Variants in SLC24A4 observed in about 807,000 individuals in gnomAD.
SLC24A4 encodes the protein sodium/potassium/calcium exchanger 4.
In SLC24A4, 53 loss-of-function variants were observed where a neutral mutation model predicts 79.0. The ratio of observed to expected loss-of-function variants is 0.67; its 90% CI spans 0.54 to 0.84. The LOEUF (loss-of-function observed/expected upper bound fraction) is 0.84, where lower values mean the gene tolerates loss of function less well. Ranked by LOEUF, SLC24A4 falls within the 40% of genes least tolerant of loss-of-function variation. SLC24A4 has a pLI of 0.00. For synonymous variants in SLC24A4, 323 were observed against 323.8 expected, an observed-to-expected ratio of 1.00 and a Z score of 0.03; for missense variants, 731 against 822.0, an observed-to-expected ratio of 0.89 and a Z score of 1.35.
intron 12 of SLC24A4, among the ~76,000 whole-genome samples, chr14:92,458,753 C>T (rs1159435770): frequency 6.6e-6 from 1 of 152,204 alleles, no homozygotes; most frequent in Admixed American, 6.5e-5. Flanking sequence ...TATCGCACCC[C>T]CAGCTCACTT....
At chr14:92,461,044 G>A (rs1254053811) in intron 12 of SLC24A4, among the ~76,000 whole-genome samples, 1 of 152,222 alleles carries the variant, frequency 6.6e-6, no homozygotes, top group Non-Finnish European at 1.5e-5. Context: ...ACCATGGTCT[G>A]CAGTGCTGGC....
At chr14:92,442,687 C>G (rs1892563909) in intron 5 of SLC24A4, 26 bp from the exon 6 acceptor site, 1 of 1,555,650 alleles carries the variant, frequency 6.4e-7, no homozygotes, top group Non-Finnish European at 8.9e-7. Flanking sequence ...TGGCTGAGGC[C>G]CAGGGTCTGT....
At chr14:92,396,079 C>A (rs1889756368) in intron 2 of SLC24A4, among the ~76,000 whole-genome samples, 1 of 152,218 alleles carries the variant, frequency 6.6e-6, no homozygotes, top group Non-Finnish European at 1.5e-5. Context: ...CTGCCTAGGC[C>A]TCCCAGAATG....
Position 92,424,883 on chromosome 14 carries a change from A to AAAAAAC in SLC24A4, c.242-9018_242-9013dup, listed in dbSNP as rs75512721. On this transcript the variant is annotated intron_variant, in intron 2 of 16. Transcript: ENST00000532405. ...GGCGACAGAGCAAGACTCCGTCTCA[A>AAAAAAC]AAAAACAAAAACAAAACCCAGCTCT... Among the ~76,000 whole-genome samples, 303 of 151,074 alleles carry AAAAAAC rather than the reference A, an allele frequency of 2.0e-3. 1 individual carries two copies. The highest frequency in any genetic ancestry group is 6.9e-3 in the African/African-American group (283 of 41,104).
At position 92,441,078 on chromosome 14, in the gene SLC24A4, G is replaced by A. The variant is rs1485365715; in HGVS notation, c.394-1011G>A. On this transcript the variant is annotated intron_variant, in intron 4 of 16. Coordinates refer to ENST00000532405, the MANE Select transcript of SLC24A4 (RefSeq NM_153646.4). This position sits in a 1 kb window ranked among gnomAD's most constrained non-coding sequence, Gnocchi z 4.6. ...ATGCTGTGCCCCCACCCCAGACTCCGTCAAGCCCAGAGCTCTAACCCTTCT... is the reference window on the plus strand; with the variant it reads ...ATGCTGTGCCCCCACCCCAGACTCCATCAAGCCCAGAGCTCTAACCCTTCT... Among the ~76,000 whole-genome samples, 4 of 152,108 alleles carry A rather than the reference G, an allele frequency of 2.6e-5. No individual in the cohort carries two copies. The highest frequency in any genetic ancestry group is 7.2e-5 in the African/African-American group (3 of 41,428).
intron 2 of SLC24A4, among the ~76,000 whole-genome samples, chr14:92,349,253 G>T (rs1886728435): frequency 6.6e-6 from 1 of 151,692 alleles, no homozygotes; most frequent in South Asian, 2.1e-4. Context: ...TCCACCTCTT[G>T]AGTTCAAGCA....
chr14:92,351,396 A>C (rs907205925), intron 2 of SLC24A4, among the ~76,000 whole-genome samples: 2 of 152,142 alleles, frequency 1.3e-5, no homozygotes, highest in African/African-American at 4.8e-5. Flanking sequence ...TAAAACTGCT[A>C]TTTTCACATC....
intron 1 of SLC24A4, among the ~76,000 whole-genome samples, chr14:92,324,830 G>T (rs1301106279): frequency 9.2e-5 from 14 of 152,126 alleles, no homozygotes; most frequent in African/African-American, 3.4e-4. Flanking sequence ...AAGGTAAAGC[G>T]GGTAGTACCT....
At chr14:92,492,872 G>A (rs11623883) in intron 16 of SLC24A4, 219,012 of 450,156 alleles carry the variant, frequency 0.49, 56,093 homozygotes, top group Non-Finnish European at 0.55. Context: ...AGCCTTGATC[G>A]AGGGACAAGG....
intron 4 of SLC24A4, among the ~76,000 whole-genome samples, chr14:92,439,756 C>G (rs953519204): frequency 1.3e-5 from 2 of 152,372 alleles, no homozygotes; most frequent in East Asian, 3.9e-4. Flanking sequence ...CTGTCACCAG[C>G]TGCAAGTGGC....
At position 92,329,797 on chromosome 14, in the gene SLC24A4, G is replaced by A. The variant is rs138030494; in HGVS notation, c.241+3819G>A. Reference sequence around the variant, plus strand: ...GCCAGGATTACAGGCGTGGGCCACCGTGCCCTCCTCCCTATGTTGTTTTTA... The same window carrying A: ...GCCAGGATTACAGGCGTGGGCCACCATGCCCTCCTCCCTATGTTGTTTTTA... On this transcript the variant is annotated intron_variant, in intron 2 of 16. Transcript: ENST00000532405. Among the ~76,000 whole-genome samples the A allele has an allele frequency of 2.9e-3, 435 of 152,330 alleles. 4 individuals are homozygous for A. The highest frequency in any genetic ancestry group is 9.6e-3 in the African/African-American group (401 of 41,580).
At chr14:92,417,327 T>C (rs1376267194) in intron 2 of SLC24A4, among the ~76,000 whole-genome samples, 1 of 152,066 alleles carries the variant, frequency 6.6e-6, no homozygotes, top group Non-Finnish European at 1.5e-5. Flanking sequence ...ATTTAAAAAT[T>C]TAAAAAGTTA....
chr14:92,486,638 G>T, intron 13 of SLC24A4, 28 bp from the exon 14 acceptor site: 1 of 1,440,530 alleles, frequency 6.9e-7, no homozygotes, highest in Non-Finnish European at 9.8e-7. Context: ...TTGGTTGAGA[G>T]TTCATGTCTC....
chr14:92,405,589 C>T (rs907754862), intron 2 of SLC24A4, among the ~76,000 whole-genome samples: 7 of 152,198 alleles, frequency 4.6e-5, no homozygotes, highest in African/African-American at 1.7e-4. Flanking sequence ...GGAAGCATGA[C>T]TGGGAGGCCT....
In SLC24A4 at chr14:92,328,654, G is replaced by A. The variant is rs531248822; in HGVS notation, c.241+2676G>A. ...CTAGCACGGGAAGGTGGTTACCACC[G>A]GCCCAACCTTATGTCCTCCCAGACT... On this transcript the variant is annotated intron_variant, in intron 2 of 16. Transcript: ENST00000532405. Among the ~76,000 whole-genome samples, 5 of 152,348 alleles carry A rather than the reference G, an allele frequency of 3.3e-5. No individual in the cohort carries two copies. In the South Asian group the frequency reaches 6.2e-4, roughly 19 times the overall value.
chr14:92,465,694 T>A (rs1388888127), intron 12 of SLC24A4, among the ~76,000 whole-genome samples: 9 of 152,088 alleles, frequency 5.9e-5, no homozygotes, highest in Non-Finnish European at 1.2e-4. Flanking sequence ...CACTCGACTG[T>A]GCCTGTGTGA....
intron 12 of SLC24A4, among the ~76,000 whole-genome samples, chr14:92,464,726 A>T (rs543589062): frequency 3.0e-4 from 45 of 152,194 alleles, no homozygotes; most frequent in Non-Finnish European, 6.3e-4. Flanking sequence ...CTCTGCAGAT[A>T]CACTGGAAGG....
Position 92,323,682 on chromosome 14 carries a change from G to T in SLC24A4, c.-149G>T. 7.1e-6 allele frequency: 7 copies of T among 988,598 alleles called. No individual in the cohort carries two copies. Among genetic ancestry groups the T allele is most frequent in the Non-Finnish European group, 9.7e-6 (7 of 718,390 alleles). The allele number at this position is 988,598 out of a possible 1,614,324, so 61.2% of individuals were successfully genotyped here. A position where few individuals can be genotyped will look rare whatever the true frequency, so the allele number is the denominator to read the frequency against. On this transcript the variant is annotated 5_prime_UTR_variant, in exon 1 of 17. Coordinates refer to ENST00000532405, the MANE Select transcript of SLC24A4 (RefSeq NM_153646.4). This position sits in a 1 kb window ranked among gnomAD's most constrained non-coding sequence, Gnocchi z 4.9. The stretch of plus-strand genomic sequence containing the variant: ...CCCAAGGGGCTCCCCCGCCGACCTC[G>T]CCCTCGGGCCATGAGGCTTTGGCCC...
rs149857530 is a variant in SLC24A4, at chr14:92,456,424, G to A, written c.1071G>A (p.Ser357=). 3.3e-5 allele frequency: 54 copies of A among 1,614,084 alleles called. No individual in the cohort carries two copies. The African/African-American group carries it at 5.1e-4, about 15-fold the overall frequency. The change falls in exon 12 of 17, where the codon TCG becomes TCA. Residue 357 remains serine (S), a synonymous_variant. Coordinates refer to ENST00000532405, the MANE Select transcript of SLC24A4 (RefSeq NM_153646.4). The part of the protein sequence containing the change: ...IINERQRLIN[S]ANGVSSKPLQ... Reference sequence around the variant, plus strand: ...CACAGCGGCAGAGACTGATCAACTCGGCCAATGGTGTGAGCAGTAAGCCGC... The same window carrying A: ...CACAGCGGCAGAGACTGATCAACTCAGCCAATGGTGTGAGCAGTAAGCCGC...
Sources: gnomAD v4.1 joint callset for allele counts (sites outside exome capture counted in the v4.1 genomes callset) on GRCh38, gnomAD v4.1.1 for gene constraint, Gnocchi (gnomAD v3.1) non-coding constraint, MANE v1.5 for transcripts, NCBI Gene and HGNC (gene_info 2026-07-23, HGNC 2026-07-21) for gene names.